Variants in PATJ observed in about 807,000 individuals in gnomAD.
PATJ encodes PATJ crumbs cell polarity complex component.
Under a neutral mutation model 224.9 loss-of-function variants are expected in PATJ, and 190 were observed. The ratio of observed to expected loss-of-function variants is 0.84; its 90% CI spans 0.75 to 0.95. The LOEUF (loss-of-function observed/expected upper bound fraction) is 0.95. PATJ is among the 40% of genes least tolerant of loss of function. The pLI is 0.00. For synonymous variants in PATJ, 769 were observed against 820.3 expected, an observed-to-expected ratio of 0.94 and a Z score of 1.07; for missense variants, 2,121 against 2,270.3, an observed-to-expected ratio of 0.93 and a Z score of 1.34.
At chr1:62,135,197 T>A (rs952209397) in intron 41 of PATJ, among the ~76,000 whole-genome samples, 4 of 152,118 alleles carry the variant, frequency 2.6e-5, no homozygotes, top group Middle Eastern at 3.4e-3. Flanking sequence ...AGAAAAGTAG[T>A]CTCCAGGGTT....
In PATJ at chr1:61,861,284, C is replaced by CTTTTTTTTTT; in HGVS notation, c.2323-253_2323-244dup. Among the ~76,000 whole-genome samples the CTTTTTTTTTT allele has an allele frequency of 1.9e-3, 92 of 48,850 alleles. 6 individuals are homozygous for CTTTTTTTTTT. The highest frequency in any genetic ancestry group is 0.017 in the East Asian group (11 of 660). 32.0% of individuals were successfully genotyped at this position (48,850 alleles called of 152,430 possible). The stretch of plus-strand genomic sequence containing the variant: ...TGAAACCAGGATATTTTCTTTCTTT[C>CTTTTTTTTTT]TTTTTTTTTTTTTTTTTTTTTTTAC... On this transcript the variant is annotated intron_variant, in intron 18 of 43. Coordinates refer to ENST00000642238, the MANE Select transcript of PATJ (RefSeq NM_001350145.3).
intron 28 of PATJ, among the ~76,000 whole-genome samples, chr1:61,997,998 AATATATTATATATATTAAT>A (rs1645494743): frequency 4.3e-5 from 4 of 92,656 alleles, no homozygotes; most frequent in Non-Finnish European, 8.1e-5. Flanking sequence ...ATGTATATAT[AATATATTATATATATTAAT>A]TATATATAAT....
At chr1:61,805,672 AT>A (rs572271195) in intron 13 of PATJ, 148 bp downstream of exon 13, 243 of 584,648 alleles carry the variant, frequency 4.2e-4, no homozygotes, top group East Asian at 1.2e-3. Context: ...GGATCAATCG[AT>A]TTTTTTCCCC....
chr1:62,016,049 C>T (rs1211510027), intron 28 of PATJ, among the ~76,000 whole-genome samples: 5 of 152,100 alleles, frequency 3.3e-5, no homozygotes, highest in Admixed American at 6.5e-5. Context: ...CCTTGGCTTC[C>T]GAAAGTGCTG....
intron 30 of PATJ, among the ~76,000 whole-genome samples, chr1:62,047,648 T>A (rs1652808590): frequency 6.6e-6 from 1 of 152,212 alleles, no homozygotes; most frequent in Non-Finnish European, 1.5e-5. Context: ...ACTAAGGAAT[T>A]TGGATATTAC....
chr1:62,121,466 G>C (rs995406244), intron 38 of PATJ, among the ~76,000 whole-genome samples, 171 bp downstream of exon 38: 1 of 152,058 alleles, frequency 6.6e-6, no homozygotes, highest in Admixed American at 6.6e-5. Context: ...GAAAGCCATA[G>C]AGATTCCTTC....
intron 26 of PATJ, among the ~76,000 whole-genome samples, chr1:61,920,369 T>C (rs1674106018): frequency 6.6e-6 from 1 of 152,140 alleles, no homozygotes; most frequent in African/African-American, 2.4e-5. Context: ...TGTGATCTGG[T>C]GGTTTTAAAA....
chr1:61,836,791 C>A (rs1042962253), intron 17 of PATJ, among the ~76,000 whole-genome samples: 3 of 152,224 alleles, frequency 2.0e-5, no homozygotes, highest in African/African-American at 7.2e-5. Context: ...ACGTCCCTGG[C>A]TATTATTGCA....
Position 61,908,375 on chromosome 1 carries a change from T to A in PATJ, c.3385T>A (p.Ser1129Thr). The part of the protein sequence containing the change: ...LKTGDKILEV[S>T]GVDLQNASHS... ...ATAACTTGCTTCTGTGTTTCAGGTG[T>A]CTGGAGTAGATTTGCAGAATGCCTC... is the stretch of plus-strand genomic sequence containing the variant. Residue 1129 changes from serine to threonine, a missense_variant, in exon 25 of 44, where the codon TCT becomes ACT. Coordinates refer to ENST00000642238, the MANE Select transcript of PATJ (RefSeq NM_001350145.3). 6.2e-7 allele frequency: 1 copy of A among 1,609,542 alleles called. No individual in the cohort carries two copies. The highest frequency in any genetic ancestry group is 8.5e-7 in the Non-Finnish European group (1 of 1,175,842).
intron 17 of PATJ, among the ~76,000 whole-genome samples, chr1:61,851,852 G>A (rs1044507873): frequency 6.6e-6 from 1 of 152,012 alleles, no homozygotes; most frequent in Admixed American, 6.6e-5. Flanking sequence ...GAACTGACAT[G>A]CCTTAGTGAG....
chr1:61,825,293 A>G (rs1658040281), intron 15 of PATJ, among the ~76,000 whole-genome samples: 1 of 152,102 alleles, frequency 6.6e-6, no homozygotes, highest in African/African-American at 2.4e-5. Context: ...AATGTTCTGT[A>G]CTCTGGAAGT....
At chr1:62,052,439 T>TAAAA (rs554528489) in intron 31 of PATJ, among the ~76,000 whole-genome samples, 1 of 111,470 alleles carries the variant, frequency 9.0e-6, no homozygotes. Context: ...AGAGATTGAC[T>TAAAA]AAAAAAAAAA....
chr1:62,116,620 T>C lies in PATJ; in HGVS notation c.4744T>C (p.Ser1582Pro), dbSNP rs752353211. 2.9e-5 allele frequency: 47 copies of C among 1,613,930 alleles called. 1 individual carries two copies. The South Asian group carries it at 4.8e-4, about 17-fold the overall frequency. ...GRLIQGDQIL[S>P]VNGEDMRNAS... ...ATTGATTCAGGGAGATCAGATCTTATCTGTGAATGGGGAGGACATGAGAAA... is the reference window on the plus strand; with the variant it reads ...ATTGATTCAGGGAGATCAGATCTTACCTGTGAATGGGGAGGACATGAGAAA... Residue 1582 changes from serine to proline, a missense_variant, in exon 36 of 44, where the codon TCT becomes CCT. Coordinates refer to ENST00000642238, the MANE Select transcript of PATJ (RefSeq NM_001350145.3).
intron 18 of PATJ, among the ~76,000 whole-genome samples, chr1:61,858,417 A>G (rs1238617797): frequency 6.6e-6 from 1 of 152,062 alleles, no homozygotes; most frequent in Non-Finnish European, 1.5e-5. Flanking sequence ...GCTCACCACC[A>G]CGCTCAGCTA....
intron 18 of PATJ, among the ~76,000 whole-genome samples, chr1:61,861,280 C>CTTTTTTT (rs1420297062): frequency 3.5e-5 from 1 of 28,648 alleles, no homozygotes; most frequent in East Asian, 1.2e-3. Flanking sequence ...TATTTTCTTT[C>CTTTTTTT]TTTCTTTTTT....
chr1:61,996,262 C>G (rs112388805), intron 28 of PATJ, among the ~76,000 whole-genome samples: 6 of 152,110 alleles, frequency 3.9e-5, no homozygotes, highest in African/African-American at 1.4e-4. Context: ...AGAGAAAAAA[C>G]CGAAACCATA....
intron 33 of PATJ, among the ~76,000 whole-genome samples, chr1:62,101,428 A>G (rs1662169116): frequency 6.6e-6 from 1 of 151,600 alleles, no homozygotes; most frequent in Non-Finnish European, 1.5e-5. Flanking sequence ...ACGCCCAGCT[A>G]ATTTTTGAGT....
At chr1:61,878,127 C>T (rs1667584867) in intron 21 of PATJ, among the ~76,000 whole-genome samples, 1 of 152,342 alleles carries the variant, frequency 6.6e-6, no homozygotes, top group East Asian at 1.9e-4. Context: ...TAACAGACTG[C>T]TTTTTCCAGT....
chr1:61,769,501 A>G, intron 5 of PATJ, 79 bp downstream of exon 5: 2 of 1,441,826 alleles, frequency 1.4e-6, no homozygotes, highest in Non-Finnish European at 1.9e-6. Flanking sequence ...GTGAAAAACT[A>G]GTAATAAAAA....
Sources: gnomAD v4.1 joint callset for allele counts (sites outside exome capture counted in the v4.1 genomes callset) on GRCh38, gnomAD v4.1.1 for gene constraint, MANE v1.5 for transcripts, NCBI Gene and HGNC (gene_info 2026-07-23, HGNC 2026-07-21) for gene names.